Variants in RAMP1 observed in about 807,000 individuals in gnomAD.
RAMP1 encodes the protein receptor activity modifying protein 1.
Under a neutral mutation model 8.2 loss-of-function variants are expected in RAMP1, and 7 were observed. The ratio of observed to expected loss-of-function variants is 0.85; its 90% CI spans 0.49 to 1.60. The LOEUF is 1.60. RAMP1 is among the 40% of genes most tolerant of loss of function. The pLI is 0.00. For missense variants in RAMP1, 192 were observed against 202.4 expected (o/e 0.95, Z 0.31); for synonymous variants, 92 against 84.7 (o/e 1.09, Z -0.47).
At chr2:237,869,527 A>C (rs1559936430) in intron 1 of RAMP1, among the ~76,000 whole-genome samples, 1 of 152,214 alleles carries the variant, frequency 6.6e-6, no homozygotes, top group Non-Finnish European at 1.5e-5. Context: ...TATTAGTGGA[A>C]TCATACAGCA....
At chr2:237,863,890 A>G (rs748168811) in intron 1 of RAMP1, among the ~76,000 whole-genome samples, 22 of 151,216 alleles carry the variant, frequency 1.5e-4, no homozygotes, top group Non-Finnish European at 2.5e-4. Context: ...CCGGCTGTCC[A>G]CTGTGCCCTC....
In RAMP1 at chr2:237,877,163, C is replaced by A; in HGVS notation, c.53-61C>A. ...CGGGCTGCAGGGGCGCGCGGGCTGG[C>A]GGTGATACCCCTAGGCCTCTGCTGC... is the stretch of plus-strand genomic sequence containing the variant. On this transcript the variant is annotated intron_variant, in intron 1 of 2. Coordinates refer to ENST00000254661, the MANE Select transcript of RAMP1 (RefSeq NM_005855.4). The surrounding 1 kb of genome is among the most constrained non-coding windows in gnomAD (Gnocchi z 4.4). 6.2e-7 allele frequency: 1 copy of A among 1,607,520 alleles called. No individual in the cohort carries two copies. The highest frequency in any genetic ancestry group is 1.1e-5 in the South Asian group (1 of 90,912).
At chr2:237,892,260 T>C (rs996504106) in intron 2 of RAMP1, among the ~76,000 whole-genome samples, 2 of 138,340 alleles carry the variant, frequency 1.4e-5, no homozygotes, top group African/African-American at 2.7e-5. Flanking sequence ...ACCATGTGTT[T>C]TTTCTTTCTT....
chr2:237,883,816 CAA>C (rs56095303), intron 2 of RAMP1, among the ~76,000 whole-genome samples: 8 of 61,446 alleles, frequency 1.3e-4, no homozygotes, highest in Non-Finnish European at 2.5e-4. Flanking sequence ...GACCCTACCT[CAA>C]AAAAAAAAAA....
intron 2 of RAMP1, among the ~76,000 whole-genome samples, chr2:237,908,290 G>A (rs1449549655): frequency 6.6e-6 from 1 of 152,164 alleles, no homozygotes; most frequent in Non-Finnish European, 1.5e-5. Flanking sequence ...TCCAGCCTCA[G>A]TTTAGACAGG....
intron 1 of RAMP1, among the ~76,000 whole-genome samples, chr2:237,872,704 TG>T (rs367955663): frequency 1.5e-3 from 225 of 152,342 alleles, no homozygotes; most frequent in African/African-American, 5.0e-3. Context: ...CCTCTGTCCC[TG>T]CCATGATGGT....
At chr2:237,876,285 G>C (rs1228021722) in intron 1 of RAMP1, among the ~76,000 whole-genome samples, 4 of 152,224 alleles carry the variant, frequency 2.6e-5, no homozygotes, top group Non-Finnish European at 4.4e-5. Context: ...GAGGCTGCAA[G>C]GGGCAACTTG....
intron 2 of RAMP1, among the ~76,000 whole-genome samples, chr2:237,896,028 T>C (rs1165348540): frequency 6.6e-6 from 1 of 152,098 alleles, no homozygotes; most frequent in Non-Finnish European, 1.5e-5. Context: ...TAGTGAGCCC[T>C]CAGCACCCGG....
chr2:237,908,476 G>C (rs2151024150), intron 2 of RAMP1, among the ~76,000 whole-genome samples: 1 of 152,136 alleles, frequency 6.6e-6, no homozygotes, highest in East Asian at 1.9e-4. Flanking sequence ...ACCCAGGCTA[G>C]AGTGCAGTGG....
At position 237,877,484 on chromosome 2, in the gene RAMP1, C is replaced by T; in HGVS notation, c.191+122C>T. The T allele has an allele frequency of 7.4e-7, 1 of 1,352,088 alleles. No individual in the cohort carries two copies. The highest frequency in any genetic ancestry group is 9.9e-7 in the Non-Finnish European group (1 of 1,011,558). 83.8% of individuals were successfully genotyped at this position (1,352,088 alleles called of 1,614,324 possible). Reference sequence around the variant, plus strand: ...TTCTAGACCCCGGAAGGGTTCTTCCCCCAGTGGGGGGGGCCGGGATGAAGA... The same window carrying T: ...TTCTAGACCCCGGAAGGGTTCTTCCTCCAGTGGGGGGGGCCGGGATGAAGA... On this transcript the variant is annotated intron_variant, in intron 2 of 2. Coordinates refer to ENST00000254661, the MANE Select transcript of RAMP1 (RefSeq NM_005855.4). The surrounding 1 kb of genome is among the most constrained non-coding windows in gnomAD (Gnocchi z 4.4).
chr2:237,904,196 G>C (rs531899880), intron 2 of RAMP1, among the ~76,000 whole-genome samples: 1 of 150,540 alleles, frequency 6.6e-6, no homozygotes, highest in Non-Finnish European at 1.5e-5. Flanking sequence ...GGCGGATCAC[G>C]AGGTCGGGAG....
intron 1 of RAMP1, chr2:237,874,628 C>T (rs2062281667): frequency 2.0e-6 from 2 of 981,158 alleles, no homozygotes; most frequent in African/African-American, 1.8e-5. Flanking sequence ...CCCTGACACC[C>T]AATCTTTCCA....
At chr2:237,863,396 G>A (rs1458241292) in intron 1 of RAMP1, among the ~76,000 whole-genome samples, 1 of 152,202 alleles carries the variant, frequency 6.6e-6, no homozygotes, top group African/African-American at 2.4e-5. Context: ...AAGCCCTGGA[G>A]GGATGTCCTT....
intron 1 of RAMP1, among the ~76,000 whole-genome samples, chr2:237,873,393 T>C (rs1036988483): frequency 6.6e-6 from 1 of 152,212 alleles, no homozygotes; most frequent in South Asian, 2.1e-4. Context: ...ATGAGCAGTG[T>C]CCAGGGGTCC....
chr2:237,882,561 G>A (rs1255130245), intron 2 of RAMP1, among the ~76,000 whole-genome samples: 1 of 152,130 alleles, frequency 6.6e-6, no homozygotes, highest in East Asian at 1.9e-4. Flanking sequence ...TATAACTGTG[G>A]CCTCCTGAGA....
At chr2:237,900,123 T>C (rs1461186580) in intron 2 of RAMP1, among the ~76,000 whole-genome samples, 3 of 152,170 alleles carry the variant, frequency 2.0e-5, no homozygotes, top group African/African-American at 7.2e-5. Flanking sequence ...TAATCTCTTA[T>C]ACTTCTTCTT....
chr2:237,903,765 G>T lies in RAMP1; in HGVS notation c.192-7763G>T, dbSNP rs183989265. Among the ~76,000 whole-genome samples the T allele has an allele frequency of 3.9e-5, 6 of 152,154 alleles. 1 individual carries two copies. Among genetic ancestry groups the T allele is most frequent in the African/African-American group, 1.2e-4 (5 of 41,420 alleles). On this transcript the variant is annotated intron_variant, in intron 2 of 2. Coordinates refer to ENST00000254661, the MANE Select transcript of RAMP1 (RefSeq NM_005855.4). The stretch of plus-strand genomic sequence containing the variant: ...GCTGGAGTGCAGTGGTGCGATCTCC[G>T]CTCGCTGCAACCTCCACCTCCCAGG...
chr2:237,906,097 C>T (rs114862906), intron 2 of RAMP1, among the ~76,000 whole-genome samples: 2,456 of 151,960 alleles, frequency 0.016, 31 homozygotes, highest in Middle Eastern at 0.058. Context: ...AACAATAACA[C>T]GTCTAACATT....
intron 2 of RAMP1, among the ~76,000 whole-genome samples, chr2:237,894,299 A>G (rs1237652582): frequency 4.6e-5 from 7 of 152,178 alleles, no homozygotes; most frequent in Admixed American, 1.3e-4. Context: ...GGATATTGTA[A>G]TTGAAACTAA....
Sources: gnomAD v4.1 joint callset for allele counts (sites outside exome capture counted in the v4.1 genomes callset) on GRCh38, gnomAD v4.1.1 for gene constraint, Gnocchi (gnomAD v3.1) non-coding constraint, MANE v1.5 for transcripts, NCBI Gene and HGNC (gene_info 2026-07-23, HGNC 2026-07-21) for gene names.